CNTN5: variants seen among roughly 807,000 people sequenced by gnomAD.
The protein encoded by CNTN5 is contactin 5, also known as contactin-5.
CNTN5 carries 77 observed loss-of-function variants against 129.1 expected under a neutral mutation model. That is an observed-to-expected ratio of 0.60 (90% CI 0.50 to 0.72). The LOEUF (loss-of-function observed/expected upper bound fraction) is 0.72, where lower values mean the gene tolerates loss of function less well. Among genes scored for constraint, CNTN5 ranks in the 30% least tolerant of loss-of-function variants. The pLI is 0.00. For missense variants in CNTN5, 1,478 were observed against 1,328.8 expected (o/e 1.11, Z -1.75); for synonymous variants, 509 against 465.6 (o/e 1.09, Z -1.20).
intron 15 of CNTN5, among the ~76,000 whole-genome samples, chr11:100,194,861 C>T (rs138689725): frequency 6.7e-6 from 1 of 150,000 alleles, no homozygotes; most frequent in East Asian, 2.1e-4. Flanking sequence ...AAAATTAGCC[C>T]ACTTTCTTCA....
intron 13 of CNTN5, among the ~76,000 whole-genome samples, chr11:100,110,667 T>C (rs184753412): frequency 6.6e-6 from 1 of 152,346 alleles, no homozygotes; most frequent in East Asian, 1.9e-4. Context: ...AAATAACTTA[T>C]ATTTGCTTAT....
At chr11:99,238,388 C>G (rs1382865453) in intron 1 of CNTN5, among the ~76,000 whole-genome samples, 1 of 152,102 alleles carries the variant, frequency 6.6e-6, no homozygotes, top group Non-Finnish European at 1.5e-5. Context: ...TGAACCTACA[C>G]AATTTCAATT....
chr11:100,322,858 T>A (rs1314922019), intron 21 of CNTN5, among the ~76,000 whole-genome samples: 1 of 152,178 alleles, frequency 6.6e-6, no homozygotes, highest in Non-Finnish European at 1.5e-5. Flanking sequence ...TTTAAAAATA[T>A]CTGATATATA....
chr11:99,497,197 GA>G (rs1201974932), intron 2 of CNTN5, among the ~76,000 whole-genome samples: 1 of 152,170 alleles, frequency 6.6e-6, no homozygotes, highest in East Asian at 1.9e-4. Context: ...TCCCAGATGG[GA>G]AAAATATTAA....
rs185754738 is a variant in CNTN5 at position 99,542,529 on chromosome 11, A to T, written c.-70-13616A>T. ...ATTGTGGGTTTTGCCATTACTTTCA[A>T]TGTCAAAACCGCATTTACTTTTGCG... On this transcript the variant is annotated intron_variant, in intron 2 of 24. Transcript: ENST00000524871. Among the ~76,000 whole-genome samples, 48 of 152,266 alleles carry T rather than the reference A, an allele frequency of 3.2e-4. 1 individual carries two copies. Among genetic ancestry groups the T allele is most frequent in the African/African-American group, 1.1e-3 (46 of 41,560 alleles).
chr11:100,034,433 A>G (rs762332386), intron 9 of CNTN5, among the ~76,000 whole-genome samples: 11 of 152,152 alleles, frequency 7.2e-5, no homozygotes, highest in Non-Finnish European at 1.6e-4. Flanking sequence ...TTAAACATCT[A>G]CTTAGTACAA....
intron 8 of CNTN5, among the ~76,000 whole-genome samples, chr11:99,999,743 A>C (rs895307121): frequency 2.0e-5 from 3 of 152,054 alleles, no homozygotes; most frequent in African/African-American, 7.2e-5. Context: ...AATAGCAAAG[A>C]CTTGGAACCA....
intron 2 of CNTN5, among the ~76,000 whole-genome samples, chr11:99,447,502 A>G (rs1944117360): frequency 6.6e-6 from 1 of 152,236 alleles, no homozygotes; most frequent in Admixed American, 6.5e-5. Flanking sequence ...ACTACTTAAC[A>G]GCCATACAAC....
At chr11:100,051,814 C>A (rs977707195) in intron 9 of CNTN5, among the ~76,000 whole-genome samples, 22 of 151,840 alleles carry the variant, frequency 1.4e-4, no homozygotes, top group African/African-American at 4.8e-4. Flanking sequence ...GCAATGTTAA[C>A]TGACAACATT....
chr11:100,049,148 A>G (rs181282436), intron 9 of CNTN5, among the ~76,000 whole-genome samples: 14 of 152,266 alleles, frequency 9.2e-5, no homozygotes, highest in Admixed American at 4.6e-4. Context: ...TTTAAAATAT[A>G]TGTGTACATA....
chr11:99,948,941 A>T (rs1591467195), intron 7 of CNTN5, among the ~76,000 whole-genome samples: 1 of 152,166 alleles, frequency 6.6e-6, no homozygotes, highest in East Asian at 1.9e-4. Flanking sequence ...CTAATAACTT[A>T]TGGATACAGG....
At chr11:99,492,436 T>A (rs1946071990) in intron 2 of CNTN5, among the ~76,000 whole-genome samples, 1 of 152,322 alleles carries the variant, frequency 6.6e-6, no homozygotes, top group East Asian at 1.9e-4. Context: ...TCAGCATTCT[T>A]TTTTCTTTGT....
At chr11:99,979,647 G>A (rs892921919) in intron 8 of CNTN5, among the ~76,000 whole-genome samples, 3 of 152,006 alleles carry the variant, frequency 2.0e-5, no homozygotes, top group African/African-American at 7.2e-5. Flanking sequence ...CTATGTTAGT[G>A]GTATGAACTG....
At chr11:99,610,745 G>A (rs376271672) in intron 3 of CNTN5, among the ~76,000 whole-genome samples, 12 of 152,078 alleles carry the variant, frequency 7.9e-5, no homozygotes, top group Non-Finnish European at 1.5e-4. Context: ...ATGAAAGGTC[G>A]CAAGCTTAGT....
In CNTN5 at chr11:99,316,000, G is replaced by T. The variant is rs143375951; in HGVS notation, c.-209-9346G>T. On this transcript the variant is annotated intron_variant, in intron 1 of 24. Transcript: ENST00000524871. ...GTATATGTGTATGCAAATATGGAAA[G>T]TGGCTGTGGGAAGTAAAGCCCCTGG... 3.6e-3 allele frequency among the ~76,000 whole-genome samples: 549 copies of T among 152,204 alleles called. 3 individuals are homozygous for T. Among genetic ancestry groups the T allele is most frequent in the African/African-American group, 0.011 (469 of 41,544 alleles).
At chr11:99,391,990 A>C (rs11827979) in intron 2 of CNTN5, among the ~76,000 whole-genome samples, 20,597 of 151,920 alleles carry the variant, frequency 0.14, 1,564 homozygotes, top group East Asian at 0.23. Flanking sequence ...CATGTAAAGT[A>C]AAATACTCAC....
At position 100,356,413 on chromosome 11, in the gene CNTN5, C is replaced by T. The variant is rs201015029; in HGVS notation, c.*193C>T. 38 of 588,598 alleles carry T rather than the reference C, an allele frequency of 6.5e-5. No individual in the cohort carries two copies. The highest frequency in any genetic ancestry group is 2.7e-4 in the South Asian group (13 of 47,756). 36.5% of individuals were successfully genotyped at this position (588,598 alleles called of 1,614,324 possible). On this transcript the variant is annotated 3_prime_UTR_variant, in exon 25 of 25. Transcript: ENST00000524871. ...CAGGTTTCTCTTTGGTTTTTGTAAACGGAGAGGACAGTTCTTAGTCCAGTA... is the reference window on the plus strand; with the variant it reads ...CAGGTTTCTCTTTGGTTTTTGTAAATGGAGAGGACAGTTCTTAGTCCAGTA...
At chr11:99,796,314 G>T (rs866284679) in intron 3 of CNTN5, among the ~76,000 whole-genome samples, 39 of 152,094 alleles carry the variant, frequency 2.6e-4, no homozygotes, top group African/African-American at 9.4e-4. Flanking sequence ...CACTCATAGC[G>T]TGGTGGAGTG....
intron 3 of CNTN5, among the ~76,000 whole-genome samples, chr11:99,646,850 A>G (rs1346588866): frequency 6.7e-6 from 1 of 149,438 alleles, no homozygotes; most frequent in East Asian, 2.0e-4. Flanking sequence ...TAGACTTGCT[A>G]TTCAGATCAT....
Sources: gnomAD v4.1 joint callset for allele counts (sites outside exome capture counted in the v4.1 genomes callset) on GRCh38, gnomAD v4.1.1 for gene constraint, MANE v1.5 for transcripts, NCBI Gene and HGNC (gene_info 2026-07-23, HGNC 2026-07-21) for gene names.